Variants in GALNT18 observed in about 807,000 individuals in gnomAD.
GALNT18 encodes the protein GalNAc-transferase 18.
A neutral mutation model predicts 69.5 loss-of-function variants in GALNT18; 44 were observed. The observed-to-expected ratio is 0.63, with a 90% CI of 0.50 to 0.81. The LOEUF (loss-of-function observed/expected upper bound fraction) is 0.81, where lower values mean the gene tolerates loss of function less well. GALNT18 is among the 40% of genes least tolerant of loss of function. The pLI is 0.00. For synonymous variants in GALNT18, 364 were observed against 318.2 expected (o/e 1.14, Z -1.53); for missense variants, 715 against 810.0 (o/e 0.88, Z 1.42).
intron 2 of GALNT18, among the ~76,000 whole-genome samples, chr11:11,434,407 G>T (rs879866707): frequency 3.3e-5 from 5 of 152,152 alleles, no homozygotes; most frequent in Non-Finnish European, 7.3e-5. Context: ...GGCACTGAGG[G>T]TACAGCAGGA....
rs888527691 is a variant in GALNT18, at chr11:11,590,370, G to A, written c.235+30989C>T. On this transcript the variant is annotated intron_variant, in intron 1 of 10. Transcript: ENST00000227756. This position sits in a 1 kb window ranked among gnomAD's most constrained non-coding sequence, Gnocchi z 4.4. ...TCCTTGGATGGAAGGAAGGCTGCAG[G>A]CCCACAAGGAACTTCCACATTGCTT... is the stretch of plus-strand genomic sequence containing the variant. Among the ~76,000 whole-genome samples the A allele has an allele frequency of 6.6e-6, 1 of 152,234 alleles. No individual in the cohort carries two copies. Among genetic ancestry groups the A allele is most frequent in the Non-Finnish European group, 1.5e-5 (1 of 68,038 alleles).
At chr11:11,409,917 T>C (rs1157121967) in intron 3 of GALNT18, among the ~76,000 whole-genome samples, 1 of 152,188 alleles carries the variant, frequency 6.6e-6, no homozygotes, top group Non-Finnish European at 1.5e-5. Context: ...GACAGGTCCA[T>C]AGCTAAACCT....
At position 11,598,123 on chromosome 11, in the gene GALNT18, G is replaced by T. The variant is rs1237744345; in HGVS notation, c.235+23236C>A. The stretch of plus-strand genomic sequence containing the variant: ...CCTTACCTTTCTTCCACTTGCTTTA[G>T]GTTTAGTTTGCTCTTCTTTTTGCAG... On this transcript the variant is annotated intron_variant, in intron 1 of 10. Transcript: ENST00000227756. The surrounding 1 kb of genome is among the most constrained non-coding windows in gnomAD (Gnocchi z 4.8). 6.6e-6 allele frequency among the ~76,000 whole-genome samples: 1 copy of T among 151,770 alleles called. No individual in the cohort carries two copies. The highest frequency in any genetic ancestry group is 1.5e-5 in the Non-Finnish European group (1 of 67,930).
At chr11:11,298,530 G>A (rs1014939386) in intron 9 of GALNT18, among the ~76,000 whole-genome samples, 2 of 152,154 alleles carry the variant, frequency 1.3e-5, no homozygotes, top group African/African-American at 2.4e-5. Flanking sequence ...CACTGCCTCC[G>A]CCCAGTCCCG....
intron 1 of GALNT18, among the ~76,000 whole-genome samples, chr11:11,612,382 T>C (rs1292862830): frequency 6.6e-6 from 1 of 152,250 alleles, no homozygotes; most frequent in African/African-American, 2.4e-5. Context: ...TATATGCCTG[T>C]TGCTCTTAAA....
chr11:11,527,902 C>T (rs1857556838), intron 1 of GALNT18, among the ~76,000 whole-genome samples: 1 of 152,240 alleles, frequency 6.6e-6, no homozygotes, highest in Non-Finnish European at 1.5e-5. Context: ...GCCCAAACCA[C>T]CAATACCTCT....
rs139262642 is a variant in GALNT18, at chr11:11,538,148, G to A, written c.235+83211C>T. On this transcript the variant is annotated intron_variant, in intron 1 of 10. Coordinates refer to ENST00000227756, the MANE Select transcript of GALNT18 (RefSeq NM_198516.3). The surrounding 1 kb of genome is among the most constrained non-coding windows in gnomAD (Gnocchi z 5.2). ...AGAGGGTGAAATTCAGGCTGGAAGA[G>A]TGGGTGACTAGCTAAGGATTACACA... Among the ~76,000 whole-genome samples the A allele has an allele frequency of 1.8e-3, 275 of 152,310 alleles. No individual in the cohort carries two copies. Among genetic ancestry groups the A allele is most frequent in the Non-Finnish European group, 2.7e-3 (186 of 68,030 alleles).
At chr11:11,451,043 G>A (rs184680476) in intron 1 of GALNT18, among the ~76,000 whole-genome samples, 11 of 152,098 alleles carry the variant, frequency 7.2e-5, no homozygotes, top group South Asian at 2.1e-4. Flanking sequence ...AAGCAAAGTC[G>A]GAAAATTTAA....
Position 11,590,716 on chromosome 11 carries a change from C to T in GALNT18, c.235+30643G>A, listed in dbSNP as rs1315661347. On this transcript the variant is annotated intron_variant, in intron 1 of 10. Coordinates refer to ENST00000227756, the MANE Select transcript of GALNT18 (RefSeq NM_198516.3). This position sits in a 1 kb window ranked among gnomAD's most constrained non-coding sequence, Gnocchi z 4.4. ...ACAGAACACATATACAATGGTGGTC[C>T]CGTAAGATTACAATGGAGCCCAAAA... Among the ~76,000 whole-genome samples the T allele has an allele frequency of 6.6e-6, 1 of 152,148 alleles. No homozygotes were observed. The highest frequency in any genetic ancestry group is 1.5e-5 in the Non-Finnish European group (1 of 68,030).
intron 7 of GALNT18, among the ~76,000 whole-genome samples, chr11:11,335,679 A>G (rs1240606241): frequency 6.6e-6 from 1 of 152,196 alleles, no homozygotes; most frequent in Non-Finnish European, 1.5e-5. Context: ...TTATGACTGT[A>G]TGTGACTATA....
intron 1 of GALNT18, among the ~76,000 whole-genome samples, chr11:11,488,861 C>T (rs1856698551): frequency 6.6e-6 from 1 of 152,212 alleles, no homozygotes; most frequent in Non-Finnish European, 1.5e-5. Context: ...AGATGGCCCA[C>T]CTGAAAAGCC....
chr11:11,418,344 G>A (rs1854915012), intron 3 of GALNT18, among the ~76,000 whole-genome samples: 1 of 152,220 alleles, frequency 6.6e-6, no homozygotes, highest in African/African-American at 2.4e-5. Context: ...GAAGCCATGT[G>A]TAAATATGCC....
At chr11:11,437,955 C>T (rs572601724) in intron 2 of GALNT18, among the ~76,000 whole-genome samples, 1 of 152,282 alleles carries the variant, frequency 6.6e-6, no homozygotes, top group Non-Finnish European at 1.5e-5. Flanking sequence ...GGGGATCTTC[C>T]TGGTCCTGCT....
intron 1 of GALNT18, among the ~76,000 whole-genome samples, chr11:11,610,000 G>GA (rs1386760194): frequency 5.3e-5 from 8 of 152,026 alleles, no homozygotes; most frequent in Non-Finnish European, 8.8e-5. Flanking sequence ...GCTCCTGGGG[G>GA]AAAAAATGAT....
chr11:11,465,809 G>C lies in GALNT18; in HGVS notation c.236-16873C>G, dbSNP rs1325918183. 1.3e-5 allele frequency among the ~76,000 whole-genome samples: 2 copies of C among 152,098 alleles called. No individual in the cohort carries two copies. Among genetic ancestry groups the C allele is most frequent in the East Asian group, 3.9e-4 (2 of 5,182 alleles). The stretch of plus-strand genomic sequence containing the variant: ...GGAATTACTGCACGATATTTATGTA[G>C]GGTACTCAGCTATCTCTAGGGGAGG... On this transcript the variant is annotated intron_variant, in intron 1 of 10. Transcript: ENST00000227756. This position sits in a 1 kb window ranked among gnomAD's most constrained non-coding sequence, Gnocchi z 5.7.
Position 11,387,317 on chromosome 11 carries a change from C to T in GALNT18, c.596-8053G>A, listed in dbSNP as rs571612861. On this transcript the variant is annotated intron_variant, in intron 3 of 10. Coordinates refer to ENST00000227756, the MANE Select transcript of GALNT18 (RefSeq NM_198516.3). This position sits in a 1 kb window ranked among gnomAD's most constrained non-coding sequence, Gnocchi z 4.6. Reference sequence around the variant, plus strand: ...TCCCAGCTGCCTTCTGCAGAGGCCACGGCTTTTTGTCCCATTGTGGCCACA... The same window carrying T: ...TCCCAGCTGCCTTCTGCAGAGGCCATGGCTTTTTGTCCCATTGTGGCCACA... Among the ~76,000 whole-genome samples, 87 of 152,252 alleles carry T rather than the reference C, an allele frequency of 5.7e-4. No homozygotes were observed. In the East Asian group the frequency reaches 8.5e-3, roughly 15 times the overall value.
At position 11,356,162 on chromosome 11, in the gene GALNT18, C is replaced by G. The variant is rs1220602194; in HGVS notation, c.1093-15158G>C. 6.6e-6 allele frequency among the ~76,000 whole-genome samples: 1 copy of G among 152,178 alleles called. No homozygotes were observed. Among genetic ancestry groups the G allele is most frequent in the African/African-American group, 2.4e-5 (1 of 41,438 alleles). On this transcript the variant is annotated intron_variant, in intron 6 of 10. Transcript: ENST00000227756. This position sits in a 1 kb window ranked among gnomAD's most constrained non-coding sequence, Gnocchi z 4.4. ...TTTGTATTTGGAGATGCCCCTGACC[C>G]CTCCTTCTGCAACTTCAGATTTATG...
chr11:11,429,550 G>C (rs1391024719), intron 3 of GALNT18, among the ~76,000 whole-genome samples: 2 of 152,218 alleles, frequency 1.3e-5, no homozygotes, highest in Non-Finnish European at 2.9e-5. Flanking sequence ...AATAGTGACA[G>C]GGATCAATTC....
At chr11:11,360,121 A>C (rs1212140425) in intron 6 of GALNT18, among the ~76,000 whole-genome samples, 1 of 152,166 alleles carries the variant, frequency 6.6e-6, no homozygotes, top group Non-Finnish European at 1.5e-5. Flanking sequence ...TTATGGAATA[A>C]AGCACCTGCT....
Sources: allele counts gnomAD v4.1 joint callset (sites outside exome capture counted in the v4.1 genomes callset), GRCh38; gene constraint gnomAD v4.1.1; non-coding constraint Gnocchi (gnomAD v3.1); transcripts MANE v1.5; gene names NCBI Gene and HGNC (gene_info 2026-07-23, HGNC 2026-07-21).